The following MEGF6 variants were observed in gnomAD, a reference collection of about 807,000 sequenced individuals.
MEGF6 encodes multiple EGF like domains 6.
A neutral mutation model predicts 207.1 loss-of-function variants in MEGF6; 184 were observed. The ratio of observed to expected loss-of-function variants is 0.89; its 90% confidence interval spans 0.79 to 1.00. MEGF6 has a LOEUF of 1.00. Among genes scored for constraint, MEGF6 ranks in the 50% least tolerant of loss-of-function variants. The probability of loss-of-function intolerance (pLI) is 0.00; values close to 1 mark genes in which losing one functional copy is unlikely to be tolerated. For synonymous variants in MEGF6, 1,038 were observed against 910.0 expected (o/e 1.14, Z -2.53); for missense variants, 2,282 against 2,202.9 (o/e 1.04, Z -0.72).
intron 4 of MEGF6, among the ~76,000 whole-genome samples, chr1:3,537,808 A>C (rs1424164867): frequency 6.6e-6 from 1 of 152,202 alleles, no homozygotes; most frequent in Non-Finnish European, 1.5e-5. Context: ...CTGGAAGGTA[A>C]GGGCGTGTCC....
chr1:3,566,058 T>C (rs530678731), intron 4 of MEGF6, among the ~76,000 whole-genome samples: 1 of 152,342 alleles, frequency 6.6e-6, no homozygotes, highest in East Asian at 1.9e-4. Flanking sequence ...CCCCTGAGGC[T>C]GACCTGGGTA....
chr1:3,493,217 C>T (rs1375373132), intron 34 of MEGF6: 1 of 221,994 alleles, frequency 4.5e-6, no homozygotes, highest in African/African-American at 2.3e-5. Flanking sequence ...CCCCTCCTAT[C>T]CTCAGGTGGG....
Position 3,560,241 on chromosome 1 carries a change from T to G in MEGF6, c.481+19584A>C, listed in dbSNP as rs762782682. On this transcript the variant is annotated intron_variant, in intron 4 of 36. Transcript: ENST00000356575. The surrounding 1 kb of genome is among the most constrained non-coding windows in gnomAD (Gnocchi z 4.0). ...TTTCCTTCTCCCAACACACATAATT[T>G]CCTGTATCATTCAATCCTCCATTGG... Among the ~76,000 whole-genome samples, 1 of 151,910 alleles carries G rather than the reference T, an allele frequency of 6.6e-6. No homozygotes were observed. The highest frequency in any genetic ancestry group is 2.1e-4 in the South Asian group (1 of 4,814).
chr1:3,534,505 C>G (rs1429021199), intron 4 of MEGF6, among the ~76,000 whole-genome samples: 1 of 152,158 alleles, frequency 6.6e-6, no homozygotes, highest in Non-Finnish European at 1.5e-5. Flanking sequence ...GCCTCAGTTT[C>G]CCCATCTGTA....
intron 4 of MEGF6, among the ~76,000 whole-genome samples, chr1:3,534,328 A>G (rs766154995): frequency 3.3e-5 from 5 of 152,250 alleles, no homozygotes; most frequent in Non-Finnish European, 7.3e-5. Flanking sequence ...AAAATATACT[A>G]TTAAAATCAA....
intron 14 of MEGF6, 81 bp from the exon 15 acceptor site, chr1:3,506,317 G>GGGGCCCA: frequency 6.6e-7 from 1 of 1,512,980 alleles, no homozygotes; most frequent in Non-Finnish European, 8.9e-7. Context: ...AGGATGCGCG[G>GGGGCCCA]GGGCCCAGGG....
intron 17 of MEGF6, 80 bp from the exon 18 acceptor site, chr1:3,502,001 T>C (rs2821030): frequency 0.97 from 1,007,793 of 1,036,434 alleles, 489,980 homozygotes; most frequent in East Asian, 1. Context: ...GGGCTCCTGG[T>C]GAGTGTGCCC....
chr1:3,621,916 A>T, the MEGF6 span, among the ~76,000 whole-genome samples: 111,835 of 152,194 alleles, frequency 0.73, 41,829 homozygotes, highest in East Asian at 0.98. Flanking sequence ...TTTTGGCCAA[A>T]TTCTCCCTTT....
Position 3,510,857 on chromosome 1 carries a change from G to C in MEGF6, c.1160C>G (p.Thr387Ser), listed in dbSNP as rs758043086. The change falls in exon 10 of 37, where the codon ACC (threonine) becomes AGC (serine). Residue 387 changes from threonine to serine, a missense_variant. By Grantham distance (58) the Thr-to-Ser change is moderately conservative (BLOSUM62 1). Coordinates refer to ENST00000356575, the MANE Select transcript of MEGF6 (RefSeq NM_001409.4). ...ADSPCCQQVC[T>S]NNPGGYECGC... ...GCACTCGTACCCGCCAGGGTTGTTGGTGCACACCTGCTGGCAGCACGGGCT... is the reference window on the plus strand; with the variant it reads ...GCACTCGTACCCGCCAGGGTTGTTGCTGCACACCTGCTGGCAGCACGGGCT... 1.2e-6 allele frequency: 2 copies of C among 1,610,552 alleles called. No individual in the cohort carries two copies. The highest frequency in any genetic ancestry group is 2.7e-5 in the African/African-American group (2 of 74,912).
Position 3,501,066 on chromosome 1 carries a change from G to A in MEGF6, c.2475C>T (p.Ser825=). 6.2e-7 allele frequency: 1 copy of A among 1,612,786 alleles called. No homozygotes were observed. The highest frequency in any genetic ancestry group is 2.2e-5 in the East Asian group (1 of 44,882). Reference sequence around the variant, plus strand: ...TGGCACAAGAGCACCTTGTCTGGCAGCTGGGACCATACCAGCCTGCTGGGC... The same window carrying A: ...TGGCACAAGAGCACCTTGTCTGGCAACTGGGACCATACCAGCCTGCTGGGC... The part of the protein sequence containing the change: ...DVCPAGWYGP[S]CQTRCSCAND... The change falls in exon 20 of 37, where the codon AGC becomes AGT. Residue 825 remains serine (S), a synonymous_variant. Coordinates refer to ENST00000356575, the MANE Select transcript of MEGF6 (RefSeq NM_001409.4).
Position 3,510,915 on chromosome 1 carries a change from CG to C in MEGF6, c.1115-14del. On this transcript the variant is annotated splice_polypyrimidine_tract_variant and intron_variant, in intron 9 of 36. Transcript: ENST00000356575. ...CAGTCGTCGACATCTGTGGAGCACA[CG>C]CCACGGGCCCCCTGGTACCAGGCAC... 6.3e-7 allele frequency: 1 copy of C among 1,591,590 alleles called. No individual in the cohort carries two copies. Among genetic ancestry groups the C allele is most frequent in the Non-Finnish European group, 8.6e-7 (1 of 1,163,544 alleles).
At chr1:3,541,490 G>A (rs1642516805) in intron 4 of MEGF6, among the ~76,000 whole-genome samples, 1 of 152,228 alleles carries the variant, frequency 6.6e-6, no homozygotes. Flanking sequence ...AGGGGCTCAT[G>A]GAGTGCAGGC....
chr1:3,530,603 G>A (rs1289095908), intron 4 of MEGF6, among the ~76,000 whole-genome samples: 1 of 152,164 alleles, frequency 6.6e-6, no homozygotes, highest in Non-Finnish European at 1.5e-5. Context: ...GGCCACCAGG[G>A]TTCTCAGCTG....
intron 34 of MEGF6, 169 bp from the exon 35 acceptor site, chr1:3,492,936 C>G (rs1047183968): frequency 2.4e-6 from 2 of 829,416 alleles, no homozygotes; most frequent in Non-Finnish European, 3.7e-6. Flanking sequence ...GAGGAGTAAA[C>G]AGTCCCTGCC....
intron 4 of MEGF6, among the ~76,000 whole-genome samples, chr1:3,535,176 T>C (rs1352124679): frequency 6.6e-6 from 1 of 152,058 alleles, no homozygotes; most frequent in Admixed American, 6.5e-5. Flanking sequence ...GGGCCAGGTG[T>C]GTCACCGCGA....
chr1:3,586,472 G>A (rs927191290), intron 3 of MEGF6, among the ~76,000 whole-genome samples: 4 of 152,302 alleles, frequency 2.6e-5, no homozygotes, highest in Non-Finnish European at 4.4e-5. Context: ...CGTGTGCCTG[G>A]CACAGGGGTC....
intron 25 of MEGF6, 35 bp downstream of exon 25, chr1:3,498,663 T>G: frequency 6.5e-7 from 1 of 1,529,602 alleles, no homozygotes. Context: ...CCAAGCATGC[T>G]GGGGTATGTC....
Position 3,579,821 on chromosome 1 carries a change from T to C in MEGF6, c.481+4A>G, listed in dbSNP as rs1643748367. On this transcript the variant is annotated splice_donor_region_variant and intron_variant, in intron 4 of 36. Coordinates refer to ENST00000356575, the MANE Select transcript of MEGF6 (RefSeq NM_001409.4). ...GGCCTTGGTCCCCCAGGGGCTCCAC[T>C]CACCATACTGACAGCGGGGTCCCTG... 2 of 1,500,512 alleles carry C rather than the reference T, an allele frequency of 1.3e-6. No individual in the cohort carries two copies. Among genetic ancestry groups the C allele is most frequent in the African/African-American group, 1.5e-5 (1 of 68,680 alleles). The allele number at this position is 1,500,512 out of a possible 1,614,324, so 92.9% of individuals were successfully genotyped here.
At chr1:3,582,124 C>T (rs541954307) in intron 3 of MEGF6, among the ~76,000 whole-genome samples, 1 of 152,332 alleles carries the variant, frequency 6.6e-6, no homozygotes, top group South Asian at 2.1e-4. Flanking sequence ...AGCAGGACAC[C>T]AGGCCCGGGG....
Sources: allele counts gnomAD v4.1 joint callset (sites outside exome capture counted in the v4.1 genomes callset), GRCh38; gene constraint gnomAD v4.1.1; non-coding constraint Gnocchi (gnomAD v3.1); transcripts MANE v1.5; gene names NCBI Gene and HGNC (gene_info 2026-07-23, HGNC 2026-07-21).